Variants in CHST15 observed in about 807,000 individuals in gnomAD.
CHST15 encodes carbohydrate sulfotransferase 15, also known as B cell RAG associated protein (GALNAC4S-6ST).
CHST15 carries 30 observed loss-of-function variants against 53.6 expected under a neutral mutation model. The ratio of observed to expected loss-of-function variants is 0.56; its 90% confidence interval spans 0.42 to 0.76. The LOEUF (loss-of-function observed/expected upper bound fraction) is 0.76. Among genes scored for constraint, CHST15 ranks in the 30% least tolerant of loss-of-function variants. The pLI is 0.00. For synonymous variants in CHST15, 296 were observed against 289.8 expected, an observed-to-expected ratio of 1.02 and a Z score of -0.22; for missense variants, 627 against 740.5, an observed-to-expected ratio of 0.85 and a Z score of 1.78.
intron 1 of CHST15, among the ~76,000 whole-genome samples, chr10:124,051,992 C>T (rs925491394): frequency 3.3e-5 from 5 of 152,064 alleles, no homozygotes; most frequent in Admixed American, 2.6e-4. Context: ...AAACAAATAG[C>T]TTCATTTAGG....
At chr10:124,064,745 TCCCATTTTC>T (rs1285242349) in intron 1 of CHST15, among the ~76,000 whole-genome samples, 1 of 149,126 alleles carries the variant, frequency 6.7e-6, no homozygotes, top group African/African-American at 2.5e-5. Flanking sequence ...CTTAGCCAGA[TCCCATTTTC>T]CCCAACACCA....
chr10:124,026,382 G>A, intron 5 of CHST15, among the ~76,000 whole-genome samples: 1 of 152,294 alleles, frequency 6.6e-6, no homozygotes, highest in South Asian at 2.1e-4. Context: ...AATCTTGGGT[G>A]GGGGAAAGCC....
At chr10:124,043,034 T>C (rs1947801632) in intron 3 of CHST15, among the ~76,000 whole-genome samples, 2 of 152,212 alleles carry the variant, frequency 1.3e-5, no homozygotes, top group Non-Finnish European at 2.9e-5. Context: ...ACATGGATTC[T>C]GGCATCGGCC....
chr10:124,052,513 T>C (rs1288674755), intron 1 of CHST15, among the ~76,000 whole-genome samples: 2 of 152,210 alleles, frequency 1.3e-5, no homozygotes, highest in Non-Finnish European at 2.9e-5. Flanking sequence ...TTAAGGTTTC[T>C]GGGCCTCTGT....
At chr10:124,054,451 T>C (rs1948307591) in intron 1 of CHST15, among the ~76,000 whole-genome samples, 1 of 152,234 alleles carries the variant, frequency 6.6e-6, no homozygotes, top group South Asian at 2.1e-4. Context: ...TTTTAGTCCA[T>C]AAGCCATATC....
At chr10:124,079,273 T>C (rs1288651119) in intron 1 of CHST15, among the ~76,000 whole-genome samples, 2 of 152,232 alleles carry the variant, frequency 1.3e-5, no homozygotes, top group South Asian at 2.1e-4. Context: ...AACTTTGCAA[T>C]GTGACAAAGG....
chr10:124,082,039 T>A (rs1289899951), intron 1 of CHST15, among the ~76,000 whole-genome samples: 1 of 152,172 alleles, frequency 6.6e-6, no homozygotes, highest in Non-Finnish European at 1.5e-5. Context: ...GTGCTGTTCT[T>A]ATTCGGCCGC....
chr10:124,023,294 A>G (rs1262027119), intron 5 of CHST15, among the ~76,000 whole-genome samples: 2 of 151,920 alleles, frequency 1.3e-5, no homozygotes, highest in African/African-American at 4.8e-5. Flanking sequence ...AGTCCAGCCC[A>G]GGCAACATAG....
In CHST15 at chr10:124,046,458, C is replaced by T. The variant is rs760990812; in HGVS notation, c.-246G>A. 6 of 413,546 alleles carry T rather than the reference C, an allele frequency of 1.5e-5. No individual in the cohort carries two copies. The highest frequency in any genetic ancestry group is 1.2e-4 in the South Asian group (2 of 17,118). The allele number at this position is 413,546 out of a possible 1,614,324, so 25.6% of individuals were successfully genotyped here. A position where few individuals can be genotyped will look rare whatever the true frequency, so the allele number is the denominator to read the frequency against. Reference sequence around the variant, plus strand: ...TCCCAGAGTCATGTTCTACAAGAGCCGCTGCAACCTCAGAGAAGGTCACAA... The same window carrying T: ...TCCCAGAGTCATGTTCTACAAGAGCTGCTGCAACCTCAGAGAAGGTCACAA... On this transcript the variant is annotated 5_prime_UTR_variant, in exon 2 of 8. Transcript: ENST00000435907.
intron 5 of CHST15, among the ~76,000 whole-genome samples, chr10:124,031,341 G>A (rs1947217301): frequency 2.0e-5 from 3 of 152,192 alleles, no homozygotes; most frequent in Admixed American, 2.0e-4. Context: ...GGATATATAT[G>A]TTCTGAGAAA....
At chr10:124,060,529 G>A (rs1948533301) in intron 1 of CHST15, among the ~76,000 whole-genome samples, 1 of 149,768 alleles carries the variant, frequency 6.7e-6, no homozygotes, top group Non-Finnish European at 1.5e-5. Context: ...GATGTGTGGA[G>A]TTGTGCCAGA....
At chr10:124,073,073 G>A (rs755371669) in intron 1 of CHST15, among the ~76,000 whole-genome samples, 9 of 152,096 alleles carry the variant, frequency 5.9e-5, no homozygotes, top group Non-Finnish European at 8.8e-5. Context: ...AAGCTTGGGC[G>A]TACTCACTCC....
intron 1 of CHST15, among the ~76,000 whole-genome samples, chr10:124,081,134 A>G (rs1411566509): frequency 6.6e-6 from 1 of 152,238 alleles, no homozygotes; most frequent in Non-Finnish European, 1.5e-5. Context: ...CAATCAGGGA[A>G]TCTGAACATG....
At chr10:124,072,996 G>A (rs1178177434) in intron 1 of CHST15, among the ~76,000 whole-genome samples, 1 of 152,150 alleles carries the variant, frequency 6.6e-6, no homozygotes, top group Non-Finnish European at 1.5e-5. Flanking sequence ...TCTTTCCAGA[G>A]ACTCATACGC....
chr10:124,044,820 T>TGGTGAGGTAGGGGTC lies in CHST15; in HGVS notation c.631_645dup (p.Asp211_Thr215dup), dbSNP rs771755039. The TGGTGAGGTAGGGGTC allele has an allele frequency of 3.8e-5, 60 of 1,584,954 alleles. No homozygotes were observed. The highest frequency in any genetic ancestry group is 6.8e-5 in the African/African-American group (5 of 73,782). On this transcript the variant is annotated inframe_insertion, in exon 3 of 8. Transcript: ENST00000435907. ...CGCTTGGAGTAGAGCACGTAGGAGT[T>TGGTGAGGTAGGGGTC]GGTGAGGTAGGGGTCGGTGGTGTTC...
At position 124,007,999 on chromosome 10, in the gene CHST15, G is replaced by A. The variant is rs1209253669; in HGVS notation, c.*2150C>T. On this transcript the variant is annotated 3_prime_UTR_variant, in exon 8 of 8. Transcript: ENST00000435907. ...GTGCCCTCTGGAGAGAAAGGCCCCT[G>A]GAGGGAAAAACCATGTCTGGATGGC... 6 of 1,231,908 alleles carry A rather than the reference G, an allele frequency of 4.9e-6. No homozygotes were observed. The highest frequency in any genetic ancestry group is 3.1e-4 in the Middle Eastern group (1 of 3,230). 76.3% of individuals were successfully genotyped at this position (1,231,908 alleles called of 1,614,324 possible).
intron 4 of CHST15, among the ~76,000 whole-genome samples, chr10:124,040,008 C>T (rs147083809): frequency 3.9e-5 from 6 of 152,210 alleles, no homozygotes; most frequent in Admixed American, 6.5e-5. Context: ...TCTGTTCTGG[C>T]CTTTTGTTCT....
chr10:124,054,973 C>G (rs990204643), intron 1 of CHST15, among the ~76,000 whole-genome samples: 1 of 152,156 alleles, frequency 6.6e-6, no homozygotes, highest in Admixed American at 6.5e-5. Flanking sequence ...GAGGAGTACC[C>G]TTCCCCTGCC....
chr10:124,064,139 CT>C (rs773131858), intron 1 of CHST15, among the ~76,000 whole-genome samples: 7 of 152,088 alleles, frequency 4.6e-5, no homozygotes, highest in African/African-American at 1.7e-4. Flanking sequence ...AAGGCCAGGA[CT>C]TTCTTGCAGA....
Sources: gnomAD v4.1 joint callset for allele counts (sites outside exome capture counted in the v4.1 genomes callset) on GRCh38, gnomAD v4.1.1 for gene constraint, MANE v1.5 for transcripts, NCBI Gene and HGNC (gene_info 2026-07-23, HGNC 2026-07-21) for gene names.